Variants in DHX9 observed in about 807,000 individuals in gnomAD.
DHX9 encodes the protein ATP-dependent RNA helicase A.
DHX9 carries 27 observed loss-of-function variants against 148.7 expected under a neutral mutation model. The ratio of observed to expected loss-of-function variants is 0.18; its 90% CI spans 0.13 to 0.25. The LOEUF (loss-of-function observed/expected upper bound fraction) is 0.25. Ranked by LOEUF, DHX9 falls within the 10% of genes least tolerant of loss-of-function variation. The pLI, the probability that DHX9 is intolerant of heterozygous loss-of-function variation, is 1.00. For missense variants in DHX9, 796 were observed against 1,559.6 expected (o/e 0.51, Z 8.25); for synonymous variants, 529 against 516.6 (o/e 1.02, Z -0.33).
At chr1:182,872,217 C>T (rs1648579410) in intron 14 of DHX9, 120 bp from the exon 15 acceptor site, 4 of 781,962 alleles carry the variant, frequency 5.1e-6, no homozygotes, top group Admixed American at 2.9e-5. Context: ...CTTGGCACTT[C>T]TGTGAGTCAT....
chr1:182,852,390 C>A, intron 4 of DHX9, 46 bp downstream of exon 4: 1 of 1,291,028 alleles, frequency 7.7e-7, no homozygotes, highest in Non-Finnish European at 1.1e-6. Context: ...AAGATATACA[C>A]AATCTTGATC....
At position 182,881,247 on chromosome 1, in the gene DHX9, G is replaced by GTCT. The variant is rs1557979539; in HGVS notation, c.2625-15_2625-13dup. ...ATTGTGATCTAGTCTGGATTTAACT[G>GTCT]TCTTTGTGTATTTCAGCGTGGGAGA... On this transcript the variant is annotated splice_polypyrimidine_tract_variant and intron_variant, in intron 22 of 27. Transcript: ENST00000367549. 1.9e-6 allele frequency: 3 copies of GTCT among 1,609,298 alleles called. No homozygotes were observed. Among genetic ancestry groups the GTCT allele is most frequent in the Non-Finnish European group, 1.7e-6 (2 of 1,177,876 alleles).
At chr1:182,884,553 A>T (rs1361344139) in intron 26 of DHX9, 60 bp from the exon 27 acceptor site, 1 of 1,430,184 alleles carries the variant, frequency 7.0e-7, no homozygotes, top group Admixed American at 1.9e-5. Flanking sequence ...AAGTTGAGAG[A>T]TAATGGTCTT....
chr1:182,872,449 A>G lies in DHX9; in HGVS notation c.1670A>G (p.Asn557Ser). 1.2e-6 allele frequency: 2 copies of G among 1,613,994 alleles called. No homozygotes were observed. Among genetic ancestry groups the G allele is most frequent in the Admixed American group, 1.7e-5 (1 of 59,998 alleles). Residue 557 changes from asparagine to serine, a missense_variant, in exon 15 of 28, where the codon AAT becomes AGT. This residue lies in a region of DHX9 where 133 missense variants were observed against 223.8 expected (regional missense o/e 0.59). Coordinates refer to ENST00000367549, the MANE Select transcript of DHX9 (RefSeq NM_001357.5). ...AGCATGTTTTGTGAATATTTCTTCA[A>G]TTGCCCCATCATTGAAGTTTATGGG... ...DTSMFCEYFF[N>S]CPIIEVYGRT...
chr1:182,845,994 C>G (rs776712996), intron 3 of DHX9, among the ~76,000 whole-genome samples: 2 of 152,108 alleles, frequency 1.3e-5, no homozygotes, highest in Non-Finnish European at 2.9e-5. Flanking sequence ...TTGATTAAAT[C>G]GTTGGCCATT....
Position 182,842,629 on chromosome 1 carries a change from T to C in DHX9, c.63T>C (p.Tyr21=). ...GCAAAAGGAAGATGACCCCATCCTA[T>C]GAAATTAGAGCAGTGGGGAACAAAA... ...WCGKRKMTPS[Y]EIRAVGNKNR... is the part of the protein sequence containing the mutation. Residue 21 remains tyrosine, a synonymous_variant, in exon 2 of 28, where the codon TAT becomes TAC. Transcript: ENST00000367549. 1 of 1,613,672 alleles carries C rather than the reference T, an allele frequency of 6.2e-7. No homozygotes were observed. The highest frequency in any genetic ancestry group is 1.3e-5 in the African/African-American group (1 of 75,018).
rs180689174 is a variant in DHX9, at chr1:182,853,516, G to T, written c.477+98G>T. On this transcript the variant is annotated intron_variant, in intron 5 of 27. Coordinates refer to ENST00000367549, the MANE Select transcript of DHX9 (RefSeq NM_001357.5). ...AGGATATTCACAAGTTAATAATTGG[G>T]TGCATCTTTTAAGAGGTTATTTGAG... The T allele has an allele frequency of 1.0e-5, 9 of 871,420 alleles. No homozygotes were observed. In the African/African-American group the frequency reaches 1.5e-4, roughly 15 times the overall value. 54.0% of individuals were successfully genotyped at this position (871,420 alleles called of 1,614,324 possible). A position where few individuals can be genotyped will look rare whatever the true frequency, so the allele number is the denominator to read the frequency against.
intron 26 of DHX9, 29 bp downstream of exon 26, chr1:182,883,664 C>T (rs1336143035): frequency 6.7e-7 from 1 of 1,496,010 alleles, no homozygotes; most frequent in Non-Finnish European, 9.3e-7. Context: ...GAACTCCAAA[C>T]TGAATTCTTA....
intron 20 of DHX9, 69 bp downstream of exon 20, chr1:182,878,242 T>G: frequency 2.6e-6 from 4 of 1,541,580 alleles, no homozygotes; most frequent in Non-Finnish European, 3.5e-6. Flanking sequence ...ATGTGTGCAG[T>G]TATGTAAACC....
chr1:182,851,287 C>T (rs1404067882), intron 3 of DHX9, among the ~76,000 whole-genome samples: 1 of 151,936 alleles, frequency 6.6e-6, no homozygotes, highest in Non-Finnish European at 1.5e-5. Flanking sequence ...TAACAAAGCG[C>T]CCAAAAAACC....
At position 182,876,540 on chromosome 1, in the gene DHX9, A is replaced by G; in HGVS notation, c.2123A>G (p.Lys708Arg). The change falls in exon 18 of 28, where the codon AAG becomes AGG. Residue 708 changes from lysine (K) to arginine (R), a missense_variant and splice_region_variant. By Grantham distance (26) the Lys-to-Arg change is conservative. This residue lies in a region of DHX9 where 133 missense variants were observed against 223.8 expected (regional missense o/e 0.59). Coordinates refer to ENST00000367549, the MANE Select transcript of DHX9 (RefSeq NM_001357.5). ...VFDPVPVGVT[K>R]VILSTNIAET... is the part of the protein sequence containing the mutation. The stretch of plus-strand genomic sequence containing the variant: ...GATCCAGTACCAGTTGGAGTAACCA[A>G]GGTAAATATTAAACATTAGAGTGAT... The G allele has an allele frequency of 6.2e-7, 1 of 1,609,276 alleles. No individual in the cohort carries two copies. Among genetic ancestry groups the G allele is most frequent in the Non-Finnish European group, 8.5e-7 (1 of 1,177,196 alleles).
intron 5 of DHX9, 123 bp downstream of exon 5, chr1:182,853,541 G>C: frequency 1.5e-6 from 1 of 655,874 alleles, no homozygotes; most frequent in South Asian, 2.2e-5. Flanking sequence ...GGTTATTTGA[G>C]ACTACTTATT....
intron 3 of DHX9, among the ~76,000 whole-genome samples, chr1:182,849,395 C>T (rs1668090812): frequency 6.6e-6 from 1 of 152,114 alleles, no homozygotes; most frequent in African/African-American, 2.4e-5. Flanking sequence ...TTAACTAAAA[C>T]ATAATTCTTT....
intron 12 of DHX9, among the ~76,000 whole-genome samples, chr1:182,862,533 C>G (rs1668381057): frequency 6.6e-6 from 1 of 152,154 alleles, no homozygotes; most frequent in African/African-American, 2.4e-5. Flanking sequence ...ATAGTACCAT[C>G]ATTTCAGGAT....
rs553603668 is a variant in DHX9, at chr1:182,866,734, G to C, written c.1474+149G>C. 40 of 1,053,724 alleles carry C rather than the reference G, an allele frequency of 3.8e-5. 2 individuals carry two copies. In the African/African-American group the frequency reaches 5.6e-4, roughly 15 times the overall value. 65.3% of individuals were successfully genotyped at this position (1,053,724 alleles called of 1,614,324 possible). On this transcript the variant is annotated intron_variant, in intron 13 of 27. Transcript: ENST00000367549. ...ACTTTTGGCAGTTTTTTCCTTCATG[G>C]AAAGTATGATATACCCATTAGATCT...
intron 26 of DHX9, 120 bp downstream of exon 26, chr1:182,883,755 ACTTAAT>A (rs1451247202): frequency 5.5e-5 from 32 of 579,908 alleles, no homozygotes; most frequent in Admixed American, 3.8e-4. Context: ...TATACTATAT[ACTTAAT>A]CTTAAATTGA....
Position 182,839,453 on chromosome 1 carries a change from G to A in DHX9, c.-26G>A, listed in dbSNP as rs1262205451. ...AAGAGCTGGGCACCAGGAAGCGAAGGCTGGTAAGGGAGAGACGTTCCGGCT... is the reference window on the plus strand; with the variant it reads ...AAGAGCTGGGCACCAGGAAGCGAAGACTGGTAAGGGAGAGACGTTCCGGCT... On this transcript the variant is annotated 5_prime_UTR_variant, in exon 1 of 28. Coordinates refer to ENST00000367549, the MANE Select transcript of DHX9 (RefSeq NM_001357.5). 6.5e-6 allele frequency: 1 copy of A among 153,152 alleles called. No homozygotes were observed. Among genetic ancestry groups the A allele is most frequent in the East Asian group, 1.9e-4 (1 of 5,212 alleles). 9.5% of individuals were successfully genotyped at this position (153,152 alleles called of 1,614,324 possible).
At position 182,872,423 on chromosome 1, in the gene DHX9, C is replaced by T. The variant is rs1648588867; in HGVS notation, c.1644C>T (p.Thr548=). The T allele has an allele frequency of 1.9e-6, 3 of 1,613,742 alleles. No homozygotes were observed. The highest frequency in any genetic ancestry group is 2.5e-6 in the Non-Finnish European group (3 of 1,179,844). ...RIVLMSATID[T]SMFCEYFFNC... ...TTCTTATGTCTGCTACTATTGATAC[C>T]AGCATGTTTTGTGAATATTTCTTCA... The change falls in exon 15 of 28, where the codon ACC becomes ACT. Residue 548 remains threonine, a synonymous_variant. Coordinates refer to ENST00000367549, the MANE Select transcript of DHX9 (RefSeq NM_001357.5).
rs1449739551 is a variant in DHX9, at chr1:182,842,587, T to C, written c.21T>C (p.Phe7=). ...GAATCATGGGTGACGTTAAAAATTT[T>C]CTGTATGCCTGGTGTGGCAAAAGGA... MGDVKN[F]LYAWCGKRKM... is the part of the protein sequence containing the mutation. Residue 7 remains phenylalanine (F), a synonymous_variant, in exon 2 of 28, where the codon TTT becomes TTC. Transcript: ENST00000367549. 3.7e-6 allele frequency: 6 copies of C among 1,613,342 alleles called. No homozygotes were observed. The highest frequency in any genetic ancestry group is 5.1e-6 in the Non-Finnish European group (6 of 1,179,596).
Sources: allele counts gnomAD v4.1 joint callset (sites outside exome capture counted in the v4.1 genomes callset), GRCh38; gene constraint gnomAD v4.1.1; regional missense constraint gnomAD v4.1.1; transcripts MANE v1.5; gene names NCBI Gene and HGNC (gene_info 2026-07-23, HGNC 2026-07-21).